POLR3B: variants seen among roughly 807,000 people sequenced by gnomAD.
POLR3B encodes the protein RNA polymerase III subunit B.
POLR3B carries 96 observed loss-of-function variants against 147.4 expected under a neutral mutation model. That is an observed-to-expected ratio of 0.65 (90% confidence interval 0.55 to 0.77). POLR3B has a LOEUF of 0.77. POLR3B is among the 30% of genes least tolerant of loss of function. The probability of loss-of-function intolerance (pLI) is 0.00; values close to 1 mark genes in which losing one functional copy is unlikely to be tolerated. For missense variants in POLR3B, 1,036 were observed against 1,413.5 expected (o/e 0.73, Z 4.28); for synonymous variants, 461 against 485.9 (o/e 0.95, Z 0.67).
intron 23 of POLR3B, among the ~76,000 whole-genome samples, chr12:106,468,656 TGG>T (rs1234927572): frequency 2.0e-5 from 3 of 152,200 alleles, no homozygotes; most frequent in Non-Finnish European, 4.4e-5. Context: ...ATGTTCTCAT[TGG>T]TTTCAAAGAA....
chr12:106,426,114 C>T (rs1320503542), intron 12 of POLR3B, among the ~76,000 whole-genome samples: 3 of 152,040 alleles, frequency 2.0e-5, no homozygotes, highest in Non-Finnish European at 4.4e-5. Flanking sequence ...TGAGTGCCCT[C>T]CTCCTGCCAG....
chr12:106,419,250 A>C (rs558990616), intron 12 of POLR3B, among the ~76,000 whole-genome samples: 1 of 152,296 alleles, frequency 6.6e-6, no homozygotes, highest in South Asian at 2.1e-4. Context: ...CAGAGGAGGA[A>C]GTTTTCTTTT....
At chr12:106,444,314 TG>T in intron 18 of POLR3B, 148 bp from the exon 19 acceptor site, 2 of 703,756 alleles carry the variant, frequency 2.8e-6, no homozygotes, top group South Asian at 1.7e-5. Context: ...TATTTAAGTA[TG>T]TTTTTATTTT....
intron 10 of POLR3B, among the ~76,000 whole-genome samples, chr12:106,403,440 C>A (rs1307138240): frequency 2.0e-5 from 3 of 151,164 alleles, no homozygotes; most frequent in Non-Finnish European, 4.4e-5. Flanking sequence ...TACCATTTGA[C>A]CCAGCCATCC....
At chr12:106,397,889 A>G (rs890510844) in intron 10 of POLR3B, among the ~76,000 whole-genome samples, 5 of 152,270 alleles carry the variant, frequency 3.3e-5, no homozygotes, top group African/African-American at 4.8e-5. Context: ...CCAAATAGGA[A>G]CAGCTCCGGT....
In POLR3B at chr12:106,379,228, C is replaced by T. The variant is rs191540366; in HGVS notation, c.615-803C>T. Among the ~76,000 whole-genome samples the T allele has an allele frequency of 7.2e-5, 11 of 152,282 alleles. No homozygotes were observed. In the East Asian group the frequency reaches 2.1e-3, roughly 29 times the overall value. ...ACCTTGACTGTAAGAGGTAGATAGC[C>T]TTTGAACCCAGATACGGTTAATTTT... On this transcript the variant is annotated intron_variant, in intron 8 of 27. Transcript: ENST00000228347.
chr12:106,383,529 G>T (rs765897120), intron 9 of POLR3B, among the ~76,000 whole-genome samples: 7 of 151,972 alleles, frequency 4.6e-5, no homozygotes, highest in Non-Finnish European at 1.0e-4. Flanking sequence ...CACTATTGTT[G>T]TGTCTCAAGG....
chr12:106,469,269 C>CTTTT (rs374922405), intron 23 of POLR3B, among the ~76,000 whole-genome samples: 16 of 128,408 alleles, frequency 1.2e-4, no homozygotes, highest in African/African-American at 4.2e-4. Flanking sequence ...GCAACCCCTG[C>CTTTT]TTTTTTTTTT....
chr12:106,449,810 C>T (rs2037774106), intron 19 of POLR3B, among the ~76,000 whole-genome samples: 3 of 152,042 alleles, frequency 2.0e-5, no homozygotes, highest in Admixed American at 2.0e-4. Flanking sequence ...CAAGGGTCAA[C>T]TGTATATCCT....
At chr12:106,366,449 T>A in intron 2 of POLR3B, 67 bp from the exon 3 acceptor site, 1 of 965,612 alleles carries the variant, frequency 1.0e-6, no homozygotes. Context: ...GATCTATTAT[T>A]TGAGCATATC....
chr12:106,425,558 A>T (rs753190427), intron 12 of POLR3B, among the ~76,000 whole-genome samples: 1 of 152,206 alleles, frequency 6.6e-6, no homozygotes, highest in South Asian at 2.1e-4. Context: ...GTTGCTTCCT[A>T]TGCAAGAAAG....
chr12:106,418,097 G>A (rs558201765), intron 12 of POLR3B, among the ~76,000 whole-genome samples: 1 of 152,340 alleles, frequency 6.6e-6, no homozygotes, highest in East Asian at 1.9e-4. Context: ...TGGCCAAGCG[G>A]GTTCACAGAG....
Position 106,406,026 on chromosome 12 carries a change from C to G in POLR3B, c.966+50C>G, listed in dbSNP as rs772132711. 13 of 1,596,088 alleles carry G rather than the reference C, an allele frequency of 8.1e-6. No homozygotes were observed. The East Asian group carries it at 2.7e-4, about 33-fold the overall frequency. On this transcript the variant is annotated intron_variant, in intron 11 of 27. Coordinates refer to ENST00000228347, the MANE Select transcript of POLR3B (RefSeq NM_018082.6). ...ATAAGGACTGTGGGGTCTGTGAATT[C>G]CTGTTAGAGAACTGTGATAAGAGTT...
chr12:106,456,955 T>C (rs528777631), intron 20 of POLR3B, among the ~76,000 whole-genome samples, 183 bp from the exon 21 acceptor site: 61 of 152,324 alleles, frequency 4.0e-4, no homozygotes, highest in African/African-American at 1.3e-3. Flanking sequence ...AGTCCTGTGC[T>C]GCTTCTTCAG....
intron 19 of POLR3B, among the ~76,000 whole-genome samples, chr12:106,445,914 A>G (rs2037717230): frequency 6.6e-6 from 1 of 152,210 alleles, no homozygotes; most frequent in African/African-American, 2.4e-5. Flanking sequence ...ATTTCTTTTC[A>G]AGTTTTTATA....
At chr12:106,482,271 T>C (rs1473985834) in intron 23 of POLR3B, among the ~76,000 whole-genome samples, 1 of 152,244 alleles carries the variant, frequency 6.6e-6, no homozygotes, top group Non-Finnish European at 1.5e-5. Context: ...AATAATTGTA[T>C]ATGTTGTTAA....
At chr12:106,452,056 G>T (rs1000593136) in intron 19 of POLR3B, among the ~76,000 whole-genome samples, 1 of 152,130 alleles carries the variant, frequency 6.6e-6, no homozygotes, top group Admixed American at 6.5e-5. Flanking sequence ...ACTAATAGGG[G>T]AATCAAAGTT....
chr12:106,463,669 ATTTG>A, intron 23 of POLR3B, 49 bp downstream of exon 23: 1 of 1,481,476 alleles, frequency 6.8e-7, no homozygotes, highest in Non-Finnish European at 9.4e-7. Context: ...ATATGAATGT[ATTTG>A]TTAACCACTT....
chr12:106,501,541 A>G, intron 26 of POLR3B, 105 bp downstream of exon 26: 1 of 726,278 alleles, frequency 1.4e-6, no homozygotes, highest in Non-Finnish European at 2.4e-6. Context: ...TGTTTTCCTG[A>G]GATGTCAAAA....
Sources: allele counts gnomAD v4.1 joint callset (sites outside exome capture counted in the v4.1 genomes callset), GRCh38; gene constraint gnomAD v4.1.1; transcripts MANE v1.5; gene names NCBI Gene and HGNC (gene_info 2026-07-23, HGNC 2026-07-21).